The following HERPUD2 variants were observed in gnomAD, a reference collection of about 807,000 sequenced individuals.
The protein encoded by HERPUD2 is homocysteine-responsive endoplasmic reticulum-resident ubiquitin-like domain member 2 protein.
Under a neutral mutation model 49.9 loss-of-function variants are expected in HERPUD2, and 13 were observed. That is an observed-to-expected ratio of 0.26 (90% CI 0.17 to 0.41). The LOEUF (loss-of-function observed/expected upper bound fraction) is 0.41. Among genes scored for constraint, HERPUD2 ranks in the 10% least tolerant of loss-of-function variants. The pLI, the probability that HERPUD2 is intolerant of heterozygous loss-of-function variation, is 1.00. For synonymous variants in HERPUD2, 172 were observed against 171.4 expected, an observed-to-expected ratio of 1.00 and a Z score of -0.03; for missense variants, 449 against 492.2, an observed-to-expected ratio of 0.91 and a Z score of 0.83.
chr7:35,684,805 C>T (rs1162820720), intron 2 of HERPUD2, among the ~76,000 whole-genome samples: 2 of 152,044 alleles, frequency 1.3e-5, no homozygotes, highest in African/African-American at 2.4e-5. Flanking sequence ...GTATACTGCC[C>T]GGGTGATGGG....
intron 5 of HERPUD2, among the ~76,000 whole-genome samples, chr7:35,650,910 G>A (rs926169266): frequency 1.3e-5 from 2 of 152,150 alleles, no homozygotes; most frequent in African/African-American, 4.8e-5. Flanking sequence ...GATCAAGCCA[G>A]CCTGGCCCAG....
intron 5 of HERPUD2, among the ~76,000 whole-genome samples, chr7:35,652,743 C>T (rs188937071): frequency 3.3e-5 from 5 of 151,628 alleles, no homozygotes; most frequent in South Asian, 4.2e-4. Context: ...AAGGAAGGAA[C>T]GTTTCTGCCA....
rs529170147 is a variant in HERPUD2, at chr7:35,651,102, T to C, written c.495-12630A>G. Among the ~76,000 whole-genome samples, 4 of 152,216 alleles carry C rather than the reference T, an allele frequency of 2.6e-5. No individual in the cohort carries two copies. In the South Asian group the frequency reaches 8.3e-4, roughly 32 times the overall value. ...TTGGCAACTGGCCCACCCAACCCAT[T>C]GCAGTCATCACCAACACCACCACAG... is the stretch of plus-strand genomic sequence containing the variant. On this transcript the variant is annotated intron_variant, in intron 5 of 8. Coordinates refer to ENST00000311350, the MANE Select transcript of HERPUD2 (RefSeq NM_022373.5).
chr7:35,648,200 C>T (rs1480136284), intron 5 of HERPUD2, among the ~76,000 whole-genome samples: 1 of 151,998 alleles, frequency 6.6e-6, no homozygotes, highest in Non-Finnish European at 1.5e-5. Context: ...TCAGGAATTC[C>T]CTTTGTCACA....
chr7:35,674,914 T>C (rs758954775), intron 2 of HERPUD2, among the ~76,000 whole-genome samples: 57 of 152,144 alleles, frequency 3.7e-4, no homozygotes, highest in Non-Finnish European at 6.2e-4. Flanking sequence ...TTGTATCCTT[T>C]GTAATAATAT....
intron 2 of HERPUD2, among the ~76,000 whole-genome samples, chr7:35,682,166 G>A (rs1785904976): frequency 6.6e-6 from 1 of 151,536 alleles, no homozygotes; most frequent in Non-Finnish European, 1.5e-5. Flanking sequence ...AGCCTCCTGA[G>A]TAGCTGGGAC....
intron 5 of HERPUD2, among the ~76,000 whole-genome samples, chr7:35,662,300 A>G (rs1364686235): frequency 1.3e-5 from 2 of 152,170 alleles, no homozygotes; most frequent in Non-Finnish European, 2.9e-5. Context: ...GGATTTTTAC[A>G]TCGATGTTCA....
chr7:35,673,141 A>AAC, intron 3 of HERPUD2, 60 bp downstream of exon 3: 1 of 1,299,944 alleles, frequency 7.7e-7, no homozygotes, highest in Non-Finnish European at 1.1e-6. Context: ...AAAATTTCAG[A>AAC]ACATATCTCC....
intron 2 of HERPUD2, among the ~76,000 whole-genome samples, chr7:35,685,195 C>T (rs1250398741): frequency 6.6e-6 from 1 of 151,572 alleles, no homozygotes; most frequent in Non-Finnish European, 1.5e-5. Flanking sequence ...CAAGGTCGTG[C>T]CACTGTCCTC....
At chr7:35,683,225 C>T (rs1300637114) in intron 2 of HERPUD2, among the ~76,000 whole-genome samples, 1 of 152,174 alleles carries the variant, frequency 6.6e-6, no homozygotes, top group Non-Finnish European at 1.5e-5. Context: ...AAAACAGGCA[C>T]ATAGACCAAT....
At chr7:35,650,094 G>T (rs1311329825) in intron 5 of HERPUD2, among the ~76,000 whole-genome samples, 1 of 152,078 alleles carries the variant, frequency 6.6e-6, no homozygotes. Flanking sequence ...TCTAAGAGAG[G>T]CTTCATGACG....
At chr7:35,687,049 G>T (rs1249725583) in intron 2 of HERPUD2, among the ~76,000 whole-genome samples, 3 of 151,994 alleles carry the variant, frequency 2.0e-5, no homozygotes, top group Non-Finnish European at 4.4e-5. Context: ...GACAGTGCGA[G>T]ACTCTGTCTC....
At chr7:35,668,639 C>T (rs1321091219) in intron 4 of HERPUD2, 2 of 154,680 alleles carry the variant, frequency 1.3e-5, no homozygotes, top group Non-Finnish European at 2.9e-5. Context: ...GCAAAACAGT[C>T]CACACCAGTC....
At position 35,670,319 on chromosome 7, in the gene HERPUD2, A is replaced by G. The variant is rs1323465339; in HGVS notation, c.235T>C (p.Tyr79His). ...GTACATACTAGATGAACCATATGAT[A>G]CTCATCTTGCTAAAATTAAAGAAGA... ...LKDILRKQDE[Y>H]HMVHLVCTSR... The change falls in exon 4 of 9, where the codon TAT becomes CAT. Residue 79 changes from tyrosine to histidine, a missense_variant. Tyr to His is a moderately conservative substitution (Grantham distance 83, BLOSUM62 2). Transcript: ENST00000311350. The G allele has an allele frequency of 2.1e-6, 3 of 1,461,278 alleles. No individual in the cohort carries two copies. The highest frequency in any genetic ancestry group is 2.8e-6 in the Non-Finnish European group (3 of 1,080,996). The allele number at this position is 1,461,278 out of a possible 1,614,324, so 90.5% of individuals were successfully genotyped here. A position where few individuals can be genotyped will look rare whatever the true frequency, so the allele number is the denominator to read the frequency against.
chr7:35,683,427 G>A (rs1196390900), intron 2 of HERPUD2, among the ~76,000 whole-genome samples: 1 of 152,050 alleles, frequency 6.6e-6, no homozygotes, highest in Non-Finnish European at 1.5e-5. Flanking sequence ...AACTCAAGAT[G>A]GATTAAGGAC....
At chr7:35,686,927 G>A (rs1466348365) in intron 2 of HERPUD2, among the ~76,000 whole-genome samples, 1 of 148,804 alleles carries the variant, frequency 6.7e-6, no homozygotes. Flanking sequence ...AATTAGGTGG[G>A]CAGGCGCCTG....
intron 2 of HERPUD2, 118 bp downstream of exon 2, chr7:35,694,066 G>C (rs1006535570): frequency 1.4e-5 from 14 of 982,988 alleles, no homozygotes; most frequent in Non-Finnish European, 2.2e-5. Flanking sequence ...AATACCTCGC[G>C]GTCTACCAAA....
intron 2 of HERPUD2, 123 bp downstream of exon 2, chr7:35,694,061 C>A: frequency 1.1e-6 from 1 of 944,122 alleles, no homozygotes; most frequent in Non-Finnish European, 1.7e-6. Context: ...CTCAAAATAC[C>A]TCGCGGTCTA....
chr7:35,647,153 C>CGA (rs1397402757), intron 5 of HERPUD2, among the ~76,000 whole-genome samples: 43 of 152,200 alleles, frequency 2.8e-4, no homozygotes, highest in Admixed American at 2.6e-3. Flanking sequence ...CCTTGCTTCC[C>CGA]CCACCACTCC....
Sources: allele counts gnomAD v4.1 joint callset (sites outside exome capture counted in the v4.1 genomes callset), GRCh38; gene constraint gnomAD v4.1.1; transcripts MANE v1.5; gene names NCBI Gene and HGNC (gene_info 2026-07-23, HGNC 2026-07-21).